PPM1E: variants seen among roughly 807,000 people sequenced by gnomAD.
PPM1E encodes the protein protein phosphatase, Mg2+/Mn2+ dependent 1E.
Under a neutral mutation model 65.9 loss-of-function variants are expected in PPM1E, and 20 were observed. The observed-to-expected ratio is 0.30, with a 90% CI of 0.21 to 0.44. The LOEUF is 0.44. Among genes scored for constraint, PPM1E ranks in the 20% least tolerant of loss-of-function variants. The pLI is 1.00. For synonymous variants in PPM1E, 352 were observed against 374.9 expected (o/e 0.94, Z 0.70); for missense variants, 713 against 953.1 (o/e 0.75, Z 3.32).
At chr17:58,977,440 C>CAAAAAA (rs1282159101) in intron 6 of PPM1E, among the ~76,000 whole-genome samples, 1 of 62,106 alleles carries the variant, frequency 1.6e-5, no homozygotes. Flanking sequence ...GACTCTGTCT[C>CAAAAAA]AAAAAAAAAA....
intron 1 of PPM1E, among the ~76,000 whole-genome samples, chr17:58,911,349 A>T (rs1401727639): frequency 6.6e-6 from 1 of 151,952 alleles, no homozygotes; most frequent in Non-Finnish European, 1.5e-5. Context: ...TTCTCTTCAA[A>T]TTTTTTTCTC....
At chr17:58,855,720 T>C (rs933840544) in intron 1 of PPM1E, among the ~76,000 whole-genome samples, 8 of 152,226 alleles carry the variant, frequency 5.3e-5, no homozygotes, top group Non-Finnish European at 4.4e-5. Context: ...ATTTCAATTA[T>C]AGATGAATTT....
intron 1 of PPM1E, among the ~76,000 whole-genome samples, chr17:58,869,175 C>G (rs1404840907): frequency 1.3e-5 from 2 of 152,066 alleles, no homozygotes; most frequent in African/African-American, 4.8e-5. Context: ...GTCTCAACAA[C>G]AAAAGTTTAA....
chr17:58,758,232 T>C (rs895296621), intron 1 of PPM1E, among the ~76,000 whole-genome samples: 1 of 151,914 alleles, frequency 6.6e-6, no homozygotes, highest in East Asian at 1.9e-4. Context: ...AAGATGTGTG[T>C]TTTTTCATAT....
At chr17:58,976,822 T>C (rs1304830864) in intron 6 of PPM1E, among the ~76,000 whole-genome samples, 2 of 152,146 alleles carry the variant, frequency 1.3e-5, no homozygotes, top group African/African-American at 4.8e-5. Context: ...AGTCTTTTAA[T>C]TGAAGCACTA....
intron 1 of PPM1E, among the ~76,000 whole-genome samples, chr17:58,763,544 T>C (rs1190926671): frequency 1.3e-5 from 2 of 152,136 alleles, no homozygotes; most frequent in African/African-American, 4.8e-5. Flanking sequence ...GCTTGGTGGC[T>C]CCTGCCCTAC....
intron 1 of PPM1E, among the ~76,000 whole-genome samples, chr17:58,793,257 T>A (rs1426089525): frequency 2.0e-5 from 3 of 152,102 alleles, no homozygotes; most frequent in African/African-American, 7.2e-5. Flanking sequence ...ACTACATGTA[T>A]ATGTAATATA....
chr17:58,900,582 A>C (rs972683821), intron 1 of PPM1E, among the ~76,000 whole-genome samples: 1 of 152,234 alleles, frequency 6.6e-6, no homozygotes, highest in Admixed American at 6.5e-5. Flanking sequence ...TGGGAAACAA[A>C]AAATTTTGTA....
At chr17:58,906,144 A>T (rs1035402388) in intron 1 of PPM1E, among the ~76,000 whole-genome samples, 5 of 152,184 alleles carry the variant, frequency 3.3e-5, no homozygotes, top group African/African-American at 1.2e-4. Context: ...AGAGTTCTTC[A>T]TAGTATTACT....
intron 1 of PPM1E, among the ~76,000 whole-genome samples, chr17:58,806,269 G>A (rs2050313399): frequency 6.6e-6 from 1 of 151,756 alleles, no homozygotes; most frequent in African/African-American, 2.4e-5. Flanking sequence ...ATCAATGCGA[G>A]AGTACAAAGT....
intron 1 of PPM1E, among the ~76,000 whole-genome samples, chr17:58,896,414 G>A (rs561166907): frequency 2.3e-3 from 352 of 151,786 alleles, no homozygotes; most frequent in Admixed American, 3.4e-3. Context: ...GTAAAACCCC[G>A]TCTCTACTGA....
chr17:58,763,030 A>G (rs2049838081), intron 1 of PPM1E, among the ~76,000 whole-genome samples: 1 of 152,078 alleles, frequency 6.6e-6, no homozygotes, highest in Admixed American at 6.6e-5. Flanking sequence ...TAGTATGATT[A>G]TACTATGATT....
intron 1 of PPM1E, among the ~76,000 whole-genome samples, chr17:58,759,985 G>A (rs115622170): frequency 0.018 from 2,806 of 151,834 alleles, 68 homozygotes; most frequent in African/African-American, 0.063. Context: ...AATAATAAAC[G>A]TTCACATTTA....
At chr17:58,763,754 A>G (rs2049846368) in intron 1 of PPM1E, among the ~76,000 whole-genome samples, 1 of 152,126 alleles carries the variant, frequency 6.6e-6, no homozygotes, top group Admixed American at 6.6e-5. Context: ...CATACCGTGA[A>G]GCTTGTATTT....
In PPM1E at chr17:58,982,954, A is replaced by G. The variant is rs184147603; in HGVS notation, c.*1923A>G. On this transcript the variant is annotated 3_prime_UTR_variant, in exon 7 of 7. Coordinates refer to ENST00000308249, the MANE Select transcript of PPM1E (RefSeq NM_014906.5). Reference sequence around the variant, plus strand: ...AACAAGAAAACAAAGGCAGCAGACTATTGGTACACATTATAGTCCAAAGTG... The same window carrying G: ...AACAAGAAAACAAAGGCAGCAGACTGTTGGTACACATTATAGTCCAAAGTG... The G allele has an allele frequency of 2.6e-6, 4 of 1,559,266 alleles. No individual in the cohort carries two copies. Among genetic ancestry groups the G allele is most frequent in the Middle Eastern group, 1.7e-4 (1 of 5,986 alleles).
At chr17:58,826,453 T>C (rs1335900655) in intron 1 of PPM1E, among the ~76,000 whole-genome samples, 1 of 152,168 alleles carries the variant, frequency 6.6e-6, no homozygotes, top group Middle Eastern at 3.2e-3. Flanking sequence ...TTATGGCAAC[T>C]AAAATTCAGC....
intron 1 of PPM1E, among the ~76,000 whole-genome samples, chr17:58,914,609 C>T (rs972422584): frequency 3.9e-5 from 6 of 152,120 alleles, no homozygotes; most frequent in Admixed American, 2.0e-4. Context: ...TGAGTGTGGG[C>T]TGACTCACTT....
intron 1 of PPM1E, among the ~76,000 whole-genome samples, chr17:58,934,097 A>AG (rs1342587468): frequency 1.3e-5 from 2 of 151,556 alleles, no homozygotes; most frequent in African/African-American, 4.8e-5. Flanking sequence ...CAAAAAAAAA[A>AG]AAAAAAAAAA....
chr17:58,905,863 C>G (rs944509132), intron 1 of PPM1E, among the ~76,000 whole-genome samples: 1 of 152,084 alleles, frequency 6.6e-6, no homozygotes, highest in African/African-American at 2.4e-5. Context: ...CAGAGAATGA[C>G]TTCTATCTTC....
Sources: gnomAD v4.1 joint callset for allele counts (sites outside exome capture counted in the v4.1 genomes callset) on GRCh38, gnomAD v4.1.1 for gene constraint, MANE v1.5 for transcripts, NCBI Gene and HGNC (gene_info 2026-07-23, HGNC 2026-07-21) for gene names.